SLC16A10: variants seen among roughly 807,000 people sequenced by gnomAD.
The protein encoded by SLC16A10 is solute carrier family 16 member 10.
SLC16A10 carries 27 observed loss-of-function variants against 40.0 expected under a neutral mutation model. The observed-to-expected ratio is 0.67, with a 90% confidence interval of 0.50 to 0.93. SLC16A10 has a LOEUF of 0.93. Among genes scored for constraint, SLC16A10 ranks in the 40% least tolerant of loss-of-function variants. The pLI, the probability that SLC16A10 is intolerant of heterozygous loss-of-function variation, is 0.00. For synonymous variants in SLC16A10, 213 were observed against 249.8 expected (o/e 0.85, Z 1.39); for missense variants, 529 against 658.2 (o/e 0.80, Z 2.15).
Position 111,087,594 on chromosome 6 carries a change from T to G in SLC16A10, c.-159T>G, listed in dbSNP as rs1276750651. On this transcript the variant is annotated 5_prime_UTR_variant, in exon 1 of 6. Transcript: ENST00000368851. ...GCTGTCCTCGCGGCCGCCTGCGCGC[T>G]GGCCGCCTGCGCGCTGCCAGCCCGC... is the stretch of plus-strand genomic sequence containing the variant. The G allele has an allele frequency of 1.0e-5, 3 of 293,496 alleles. No individual in the cohort carries two copies. The highest frequency in any genetic ancestry group is 6.7e-5 in the African/African-American group (3 of 44,780). 18.2% of individuals were successfully genotyped at this position (293,496 alleles called of 1,614,324 possible).
At position 111,092,315 on chromosome 6, in the gene SLC16A10, G is replaced by GTTTTTT. The variant is rs1173275647; in HGVS notation, c.343+4237_343+4242dup. On this transcript the variant is annotated intron_variant, in intron 1 of 5. Coordinates refer to ENST00000368851, the MANE Select transcript of SLC16A10 (RefSeq NM_018593.5). ...AGCTTGAGTTGTCTCTTTTTTTGTT[G>GTTTTTT]TTTTTTTTTTTTTTTTTTTTTTGAG... is the stretch of plus-strand genomic sequence containing the variant. Among the ~76,000 whole-genome samples the GTTTTTT allele has an allele frequency of 8.8e-4, 87 of 98,568 alleles. 1 individual carries two copies. The highest frequency in any genetic ancestry group is 2.9e-3 in the African/African-American group (72 of 24,474). 64.7% of individuals were successfully genotyped at this position (98,568 alleles called of 152,430 possible).
chr6:111,126,491 A>G (rs573863787), intron 1 of SLC16A10, among the ~76,000 whole-genome samples: 3 of 152,278 alleles, frequency 2.0e-5, no homozygotes, highest in East Asian at 3.9e-4. Context: ...CGTCATATTC[A>G]TGCTACTACT....
chr6:111,153,457 C>T (rs1458187214), intron 1 of SLC16A10, among the ~76,000 whole-genome samples: 5 of 152,042 alleles, frequency 3.3e-5, no homozygotes, highest in Non-Finnish European at 1.5e-5. Flanking sequence ...TTGGCTTGAG[C>T]CTGGGAGGTG....
Position 111,230,736 on chromosome 6 carries a change from A to G in SLC16A10, c.*8501A>G, listed in dbSNP as rs1186181366. On this transcript the variant is annotated 3_prime_UTR_variant, in exon 6 of 6. Coordinates refer to ENST00000368851, the MANE Select transcript of SLC16A10 (RefSeq NM_018593.5). ...AGTGTGGATATTTTAAGTATCTCCT[A>G]GTATAATATGACATTGTTCATGTGG... 1 of 152,224 alleles carries G rather than the reference A, an allele frequency of 6.6e-6. No homozygotes were observed. Among genetic ancestry groups the G allele is most frequent in the Non-Finnish European group, 1.5e-5 (1 of 68,048 alleles). The allele number at this position is 152,224 out of a possible 1,614,324, so 9.4% of individuals were successfully genotyped here.
At position 111,177,670 on chromosome 6, in the gene SLC16A10, G is replaced by A; in HGVS notation, c.942+5G>A. ...TTTGTGCCTTATGTTCACTTGGTGAGTATGCTCCTTCACTGATCATGAATA... is the reference window on the plus strand; with the variant it reads ...TTTGTGCCTTATGTTCACTTGGTGAATATGCTCCTTCACTGATCATGAATA... On this transcript the variant is annotated splice_donor_5th_base_variant and intron_variant, in intron 3 of 5. Transcript: ENST00000368851. The A allele has an allele frequency of 6.5e-7, 1 of 1,530,408 alleles. No individual in the cohort carries two copies. The highest frequency in any genetic ancestry group is 8.8e-7 in the Non-Finnish European group (1 of 1,141,260). The allele number at this position is 1,530,408 out of a possible 1,614,324, so 94.8% of individuals were successfully genotyped here.
rs1322270232 is a variant in SLC16A10, at chr6:111,224,652, C to T, written c.*2417C>T. 3 of 152,032 alleles carry T rather than the reference C, an allele frequency of 2.0e-5. No homozygotes were observed. The highest frequency in any genetic ancestry group is 1.3e-4 in the Admixed American group (2 of 15,268). The allele number at this position is 152,032 out of a possible 1,614,324, so 9.4% of individuals were successfully genotyped here. On this transcript the variant is annotated 3_prime_UTR_variant, in exon 6 of 6. Transcript: ENST00000368851. ...TAAAATTAAGAAGAAAAAGTATAAACGTAAGATGCTAAATTCCATAAATGC... is the reference window on the plus strand; with the variant it reads ...TAAAATTAAGAAGAAAAAGTATAAATGTAAGATGCTAAATTCCATAAATGC...
intron 1 of SLC16A10, among the ~76,000 whole-genome samples, chr6:111,146,107 G>A (rs1772072245): frequency 6.6e-6 from 1 of 152,050 alleles, no homozygotes; most frequent in South Asian, 2.1e-4. Context: ...TTGCAACTCA[G>A]CAATAAAAAG....
At chr6:111,119,373 A>T (rs1284033331) in intron 1 of SLC16A10, among the ~76,000 whole-genome samples, 1 of 152,228 alleles carries the variant, frequency 6.6e-6, no homozygotes, top group African/African-American at 2.4e-5. Flanking sequence ...CAACAAGTAA[A>T]CAAATGAGTG....
intron 1 of SLC16A10, among the ~76,000 whole-genome samples, chr6:111,115,865 G>T (rs1348018156): frequency 3.3e-5 from 5 of 152,004 alleles, no homozygotes; most frequent in Admixed American, 3.3e-4. Context: ...AGATGAAAGG[G>T]CTGTAGTAGT....
At chr6:111,107,777 A>G (rs1237004904) in intron 1 of SLC16A10, among the ~76,000 whole-genome samples, 2 of 152,212 alleles carry the variant, frequency 1.3e-5, no homozygotes, top group Non-Finnish European at 2.9e-5. Flanking sequence ...GGTCATGATA[A>G]GAGACTTTTG....
chr6:111,143,578 T>C (rs1772022758), intron 1 of SLC16A10, among the ~76,000 whole-genome samples: 1 of 152,126 alleles, frequency 6.6e-6, no homozygotes, highest in African/African-American at 2.4e-5. Context: ...TGCATATTTC[T>C]AAGTGAAGAA....
chr6:111,207,137 C>A (rs931389245), intron 4 of SLC16A10, among the ~76,000 whole-genome samples: 3 of 152,216 alleles, frequency 2.0e-5, no homozygotes, highest in African/African-American at 7.2e-5. Context: ...TTTTCTACAA[C>A]ATAACTTCTA....
At position 111,229,880 on chromosome 6, in the gene SLC16A10, C is replaced by G. The variant is rs1264533467; in HGVS notation, c.*7645C>G. ...ATCCCAGCACTTTGGGAGGCCAAGG[C>G]AGGCGGATTGCTTGAGGCCAGGAGT... On this transcript the variant is annotated 3_prime_UTR_variant, in exon 6 of 6. Coordinates refer to ENST00000368851, the MANE Select transcript of SLC16A10 (RefSeq NM_018593.5). 1 of 152,270 alleles carries G rather than the reference C, an allele frequency of 6.6e-6. No individual in the cohort carries two copies. Among genetic ancestry groups the G allele is most frequent in the Non-Finnish European group, 1.5e-5 (1 of 68,274 alleles). 9.4% of individuals were successfully genotyped at this position (152,270 alleles called of 1,614,324 possible). A position where few individuals can be genotyped will look rare whatever the true frequency, so the allele number is the denominator to read the frequency against.
At chr6:111,169,326 A>G (rs1183894380) in intron 1 of SLC16A10, among the ~76,000 whole-genome samples, 1 of 152,280 alleles carries the variant, frequency 6.6e-6, no homozygotes, top group African/African-American at 2.4e-5. Flanking sequence ...AGCCAGGAGA[A>G]GAATGAATTA....
intron 1 of SLC16A10, among the ~76,000 whole-genome samples, chr6:111,115,790 CTT>C (rs879764961): frequency 6.8e-6 from 1 of 147,096 alleles, no homozygotes; most frequent in African/African-American, 2.5e-5. Flanking sequence ...AGCTAACAAA[CTT>C]TTTTTTTTTA....
intron 1 of SLC16A10, among the ~76,000 whole-genome samples, chr6:111,097,459 G>A (rs1185515102): frequency 6.6e-6 from 1 of 151,780 alleles, no homozygotes; most frequent in East Asian, 1.9e-4. Context: ...CTACAGGCAC[G>A]CACCACCATG....
intron 3 of SLC16A10, among the ~76,000 whole-genome samples, chr6:111,198,630 G>T (rs1016186491): frequency 6.6e-6 from 1 of 152,174 alleles, no homozygotes; most frequent in East Asian, 1.9e-4. Flanking sequence ...TCTAAACATG[G>T]AAAAGGTACA....
chr6:111,170,700 C>T (rs1269055562), intron 1 of SLC16A10, among the ~76,000 whole-genome samples: 1 of 152,034 alleles, frequency 6.6e-6, no homozygotes, highest in Non-Finnish European at 1.5e-5. Context: ...CAGCCCACCT[C>T]GGCCTCCCAA....
At position 111,155,668 on chromosome 6, in the gene SLC16A10, T is replaced by C. The variant is rs111311735; in HGVS notation, c.344-17027T>C. Among the ~76,000 whole-genome samples the C allele has an allele frequency of 2.6e-3, 389 of 152,334 alleles. 2 individuals carry two copies. Among genetic ancestry groups the C allele is most frequent in the African/African-American group, 8.9e-3 (368 of 41,578 alleles). On this transcript the variant is annotated intron_variant, in intron 1 of 5. Transcript: ENST00000368851. ...AAGCAAGGAAGGAGTTAGAATAACC[T>C]GTGTGATAATGAATTAGAAGAGTTG...
Sources: gnomAD v4.1 joint callset for allele counts (sites outside exome capture counted in the v4.1 genomes callset) on GRCh38, gnomAD v4.1.1 for gene constraint, MANE v1.5 for transcripts, NCBI Gene and HGNC (gene_info 2026-07-23, HGNC 2026-07-21) for gene names.